Variants in ZC2HC1B observed in about 807,000 individuals in gnomAD.
ZC2HC1B encodes the protein zinc finger C2HC-type containing 1B, also known as zinc finger C2HC domain-containing protein 1B.
ZC2HC1B carries 36 observed loss-of-function variants against 31.0 expected under a neutral mutation model. That is an observed-to-expected ratio of 1.16 (90% confidence interval 0.89 to 1.54). The LOEUF (loss-of-function observed/expected upper bound fraction) is 1.54, where lower values mean the gene tolerates loss of function less well. ZC2HC1B is among the 40% of genes most tolerant of loss of function. The probability of loss-of-function intolerance (pLI) is 0.00; values close to 1 mark genes in which losing one functional copy is unlikely to be tolerated. For synonymous variants in ZC2HC1B, 73 were observed against 88.0 expected (o/e 0.83, Z 0.95); for missense variants, 260 against 268.6 (o/e 0.97, Z 0.22).
In ZC2HC1B at chr6:143,865,150, A is replaced by G. The variant is rs1356705497; in HGVS notation, c.28+583A>G. Among the ~76,000 whole-genome samples the G allele has an allele frequency of 2.6e-5, 4 of 152,246 alleles. No homozygotes were observed. The highest frequency in any genetic ancestry group is 5.9e-5 in the Non-Finnish European group (4 of 68,046). On this transcript the variant is annotated intron_variant, in intron 1 of 7. Coordinates refer to ENST00000237275, the MANE Select transcript of ZC2HC1B (RefSeq NM_001013623.3). The surrounding 1 kb of genome is among the most constrained non-coding windows in gnomAD (Gnocchi z 4.4). ...TAATTTTATTCTGAAGAACAAATTC[A>G]TGATACTTTAAATGAATTTTCTGAT...
At position 143,899,384 on chromosome 6, in the gene ZC2HC1B, A is replaced by G. The variant is rs1188034831; in HGVS notation, c.489+693A>G. On this transcript the variant is annotated intron_variant, in intron 5 of 7. Transcript: ENST00000237275. The surrounding 1 kb of genome is among the most constrained non-coding windows in gnomAD (Gnocchi z 5.0). ...TACTTTAAGTGTATACAGACTGTTT[A>G]TTTATTTTTGAGACAGGGGCTCACT... is the stretch of plus-strand genomic sequence containing the variant. 6.6e-6 allele frequency among the ~76,000 whole-genome samples: 1 copy of G among 151,976 alleles called. No homozygotes were observed. The highest frequency in any genetic ancestry group is 1.5e-5 in the Non-Finnish European group (1 of 68,018).
At position 143,899,767 on chromosome 6, in the gene ZC2HC1B, C is replaced by T. The variant is rs1446033042; in HGVS notation, c.489+1076C>T. On this transcript the variant is annotated intron_variant, in intron 5 of 7. Transcript: ENST00000237275. The surrounding 1 kb of genome is among the most constrained non-coding windows in gnomAD (Gnocchi z 5.0). The stretch of plus-strand genomic sequence containing the variant: ...AAAGCGGATCCCACAGACTGTGGAT[C>T]CTGAGCGCTATCCCCTTAAGCATTA... 6.6e-6 allele frequency among the ~76,000 whole-genome samples: 1 copy of T among 152,184 alleles called. No homozygotes were observed. The highest frequency in any genetic ancestry group is 1.5e-5 in the Non-Finnish European group (1 of 68,026).
At chr6:143,893,180 C>G (rs1192917786) in intron 4 of ZC2HC1B, among the ~76,000 whole-genome samples, 1 of 152,016 alleles carries the variant, frequency 6.6e-6, no homozygotes, top group Non-Finnish European at 1.5e-5. Flanking sequence ...AAAATAATAG[C>G]CAATAGCACA....
At chr6:143,920,954 G>A (rs1398703894) in intron 6 of ZC2HC1B, among the ~76,000 whole-genome samples, 1 of 149,200 alleles carries the variant, frequency 6.7e-6, no homozygotes, top group Admixed American at 6.7e-5. Flanking sequence ...AATACCATCT[G>A]AGCTCACCTT....
In ZC2HC1B at chr6:143,918,723, G is replaced by T. The variant is rs902717643; in HGVS notation, c.598+15571G>T. Reference sequence around the variant, plus strand: ...TGACAGTGTCCCACAGGTCCCTAAGGCTCTGTTCACCTTTCCTTAAGTTTT... The same window carrying T: ...TGACAGTGTCCCACAGGTCCCTAAGTCTCTGTTCACCTTTCCTTAAGTTTT... On this transcript the variant is annotated intron_variant, in intron 6 of 7. Coordinates refer to ENST00000237275, the MANE Select transcript of ZC2HC1B (RefSeq NM_001013623.3). This position sits in a 1 kb window ranked among gnomAD's most constrained non-coding sequence, Gnocchi z 4.1. 6.6e-6 allele frequency among the ~76,000 whole-genome samples: 1 copy of T among 152,062 alleles called. No individual in the cohort carries two copies. The highest frequency in any genetic ancestry group is 2.4e-5 in the African/African-American group (1 of 41,416).
Position 143,869,835 on chromosome 6 carries a change from C to T in ZC2HC1B, c.28+5268C>T, listed in dbSNP as rs1777315100. On this transcript the variant is annotated intron_variant, in intron 1 of 7. Transcript: ENST00000237275. This position sits in a 1 kb window ranked among gnomAD's most constrained non-coding sequence, Gnocchi z 5.2. ...TCCATGTTGCTGAGTCCATGCATAA[C>T]CTTCATTCCTGCCACCATGGCCACT... 6.6e-6 allele frequency among the ~76,000 whole-genome samples: 1 copy of T among 152,156 alleles called. No homozygotes were observed. Among genetic ancestry groups the T allele is most frequent in the South Asian group, 2.1e-4 (1 of 4,830 alleles).
Position 143,934,085 on chromosome 6 carries a change from C to T in ZC2HC1B, c.599-3564C>T, listed in dbSNP as rs1778151295. Among the ~76,000 whole-genome samples the T allele has an allele frequency of 6.6e-6, 1 of 152,228 alleles. No individual in the cohort carries two copies. Among genetic ancestry groups the T allele is most frequent in the Non-Finnish European group, 1.5e-5 (1 of 68,038 alleles). On this transcript the variant is annotated intron_variant, in intron 6 of 7. Transcript: ENST00000237275. The surrounding 1 kb of genome is among the most constrained non-coding windows in gnomAD (Gnocchi z 4.6). ...TTTACATTTCACAGCAAATCAATTT[C>T]AGCTCTAGGTAAGGCTAAATTCTTC...
chr6:143,904,389 A>T (rs959045953), intron 6 of ZC2HC1B, among the ~76,000 whole-genome samples: 2 of 151,986 alleles, frequency 1.3e-5, no homozygotes, highest in Non-Finnish European at 2.9e-5. Flanking sequence ...TGTTTGAGAC[A>T]GGGTCTCTGT....
At chr6:143,919,607 AATCTCTG>A (rs2128496777) in intron 6 of ZC2HC1B, among the ~76,000 whole-genome samples, 1 of 152,212 alleles carries the variant, frequency 6.6e-6, no homozygotes, top group Admixed American at 6.5e-5. Flanking sequence ...TCAGAGCATA[AATCTCTG>A]ATAGTTAGAG....
rs979933597 is a variant in ZC2HC1B at position 143,871,246 on chromosome 6, A to G, written c.28+6679A>G. Among the ~76,000 whole-genome samples, 1 of 152,236 alleles carries G rather than the reference A, an allele frequency of 6.6e-6. No individual in the cohort carries two copies. The highest frequency in any genetic ancestry group is 2.4e-5 in the African/African-American group (1 of 41,470). On this transcript the variant is annotated intron_variant, in intron 1 of 7. Transcript: ENST00000237275. This position sits in a 1 kb window ranked among gnomAD's most constrained non-coding sequence, Gnocchi z 4.1. ...TTCTTGCTCACTGGATCCAGTCAGC[A>G]TAATGTCATCAATGTAATGGACCAG...
chr6:143,907,687 G>A (rs1187026702), intron 6 of ZC2HC1B, among the ~76,000 whole-genome samples: 1 of 152,154 alleles, frequency 6.6e-6, no homozygotes, highest in Non-Finnish European at 1.5e-5. Context: ...ACCTTTGTCA[G>A]ATGGATAGAT....
rs1046186084 is a variant in ZC2HC1B at position 143,869,369 on chromosome 6, G to A, written c.28+4802G>A. Among the ~76,000 whole-genome samples, 1 of 152,138 alleles carries A rather than the reference G, an allele frequency of 6.6e-6. No homozygotes were observed. The highest frequency in any genetic ancestry group is 1.9e-4 in the East Asian group (1 of 5,198). ...GTTGTTGTAATTGTGACTTCAAAAG[G>A]CCATCCCACCGTTATATCAATCCAA... is the stretch of plus-strand genomic sequence containing the variant. On this transcript the variant is annotated intron_variant, in intron 1 of 7. Coordinates refer to ENST00000237275, the MANE Select transcript of ZC2HC1B (RefSeq NM_001013623.3). The surrounding 1 kb of genome is among the most constrained non-coding windows in gnomAD (Gnocchi z 5.2).
chr6:143,901,575 A>G (rs543902192), intron 5 of ZC2HC1B, among the ~76,000 whole-genome samples: 1 of 152,126 alleles, frequency 6.6e-6, no homozygotes, highest in East Asian at 1.9e-4. Flanking sequence ...TTGAATTTTA[A>G]TTCTATAATT....
At position 143,903,417 on chromosome 6, in the gene ZC2HC1B, A is replaced by G. The variant is rs1348939548; in HGVS notation, c.598+265A>G. Among the ~76,000 whole-genome samples, 1 of 152,188 alleles carries G rather than the reference A, an allele frequency of 6.6e-6. No individual in the cohort carries two copies. Among genetic ancestry groups the G allele is most frequent in the African/African-American group, 2.4e-5 (1 of 41,446 alleles). On this transcript the variant is annotated intron_variant, in intron 6 of 7. Coordinates refer to ENST00000237275, the MANE Select transcript of ZC2HC1B (RefSeq NM_001013623.3). The surrounding 1 kb of genome is among the most constrained non-coding windows in gnomAD (Gnocchi z 4.3). ...AACCATTGTTCTCCGGTCTAGTAAA[A>G]TTGAAGAGATTGAAAATAGGAGAAG...
intron 6 of ZC2HC1B, among the ~76,000 whole-genome samples, chr6:143,907,301 A>G (rs1050304659): frequency 6.6e-6 from 1 of 152,200 alleles, no homozygotes; most frequent in Non-Finnish European, 1.5e-5. Context: ...ATACCCAGTA[A>G]TGGGATTGCT....
At chr6:143,925,241 T>G (rs1778021469) in intron 6 of ZC2HC1B, among the ~76,000 whole-genome samples, 1 of 143,128 alleles carries the variant, frequency 7.0e-6, no homozygotes, top group Admixed American at 7.2e-5. Context: ...AGTGGTGCGA[T>G]CTCCCCTCAC....
At chr6:143,935,264 G>T (rs1778163064) in intron 6 of ZC2HC1B, among the ~76,000 whole-genome samples, 1 of 152,172 alleles carries the variant, frequency 6.6e-6, no homozygotes, top group African/African-American at 2.4e-5. Context: ...CTGACCACAG[G>T]CAGGGTGGGT....
Position 143,933,503 on chromosome 6 carries a change from G to A in ZC2HC1B, c.599-4146G>A, listed in dbSNP as rs1778146198. Among the ~76,000 whole-genome samples the A allele has an allele frequency of 6.6e-6, 1 of 152,120 alleles. No individual in the cohort carries two copies. Among genetic ancestry groups the A allele is most frequent in the African/African-American group, 2.4e-5 (1 of 41,420 alleles). Reference sequence around the variant, plus strand: ...GTTTGAGCTCAGACTCTCCTTGGGTGGGGGTTGCTGTGGCCACTGTGGGGA... The same window carrying A: ...GTTTGAGCTCAGACTCTCCTTGGGTAGGGGTTGCTGTGGCCACTGTGGGGA... On this transcript the variant is annotated intron_variant, in intron 6 of 7. Coordinates refer to ENST00000237275, the MANE Select transcript of ZC2HC1B (RefSeq NM_001013623.3). This position sits in a 1 kb window ranked among gnomAD's most constrained non-coding sequence, Gnocchi z 6.4.
rs1201349269 is a variant in ZC2HC1B at position 143,886,768 on chromosome 6, C to A, written c.296C>A (p.Ala99Asp). 1 of 1,549,378 alleles carries A rather than the reference C, an allele frequency of 6.5e-7. No homozygotes were observed. The highest frequency in any genetic ancestry group is 1.2e-5 in the South Asian group (1 of 83,726). Reference protein sequence around the residue: ...AIRSAKQCMLAIKEGRPLPPP... With the variant: ...AIRSAKQCMLDIKEGRPLPPP... Reference sequence around the variant, plus strand: ...CGATCAGCAAAGCAGTGTATGCTAGCCATTAAAGAAGGCCGACCCCTCCCA... The same window carrying A: ...CGATCAGCAAAGCAGTGTATGCTAGACATTAAAGAAGGCCGACCCCTCCCA... Residue 99 changes from alanine to aspartate, a missense_variant, in exon 4 of 8, where the codon GCC becomes GAC. Coordinates refer to ENST00000237275, the MANE Select transcript of ZC2HC1B (RefSeq NM_001013623.3). The surrounding 1 kb of genome is among the most constrained non-coding windows in gnomAD (Gnocchi z 4.2).
Sources: allele counts gnomAD v4.1 joint callset (sites outside exome capture counted in the v4.1 genomes callset), GRCh38; gene constraint gnomAD v4.1.1; non-coding constraint Gnocchi (gnomAD v3.1); transcripts MANE v1.5; gene names NCBI Gene and HGNC (gene_info 2026-07-23, HGNC 2026-07-21).